The following ANKRD26 variants were observed in gnomAD, a reference collection of about 807,000 sequenced individuals.
ANKRD26 encodes the protein ankyrin repeat domain-containing protein 26.
ANKRD26 carries 141 observed loss-of-function variants against 208.7 expected under a neutral mutation model. The observed-to-expected ratio is 0.68, with a 90% CI of 0.59 to 0.78. The LOEUF (loss-of-function observed/expected upper bound fraction) is 0.78, where lower values mean the gene tolerates loss of function less well. Ranked by LOEUF, ANKRD26 falls within the 30% of genes least tolerant of loss-of-function variation. The pLI, the probability that ANKRD26 is intolerant of heterozygous loss-of-function variation, is 0.00. For synonymous variants in ANKRD26, 636 were observed against 660.4 expected, an observed-to-expected ratio of 0.96 and a Z score of 0.57; for missense variants, 1,889 against 1,938.7, an observed-to-expected ratio of 0.97 and a Z score of 0.48.
chr10:27,058,380 A>T (rs1484797532), intron 15 of ANKRD26, among the ~76,000 whole-genome samples: 1 of 152,184 alleles, frequency 6.6e-6, no homozygotes, highest in Non-Finnish European at 1.5e-5. Flanking sequence ...CGAAGCTAGG[A>T]TGTATCGTAA....
chr10:27,045,785 GTTTAAC>G (rs920049989), intron 18 of ANKRD26, among the ~76,000 whole-genome samples: 65 of 152,128 alleles, frequency 4.3e-4, no homozygotes, highest in African/African-American at 1.3e-3. Flanking sequence ...ATATATGATA[GTTTAAC>G]TTTAAGATCA....
At chr10:26,986,268 T>G (rs1025268611) in intron 3 of ANKRD26, among the ~76,000 whole-genome samples, 1 of 152,102 alleles carries the variant, frequency 6.6e-6, no homozygotes, top group Non-Finnish European at 1.5e-5. Flanking sequence ...CACCTTATAC[T>G]AAAATTAATC....
At chr10:27,020,460 C>T (rs1427450447) in intron 29 of ANKRD26, among the ~76,000 whole-genome samples, 5 of 152,160 alleles carry the variant, frequency 3.3e-5, no homozygotes, top group African/African-American at 1.2e-4. Flanking sequence ...CCTGCCTCTC[C>T]TCCCTCCTGC....
chr10:27,014,742 A>AAT, intron 30 of ANKRD26, 31 bp from the exon 31 acceptor site: 1 of 1,573,510 alleles, frequency 6.4e-7, no homozygotes, highest in Non-Finnish European at 8.7e-7. Flanking sequence ...ATGTTTTAAA[A>AAT]ATATATAACC....
At chr10:27,055,271 G>C (rs183314961) in intron 15 of ANKRD26, among the ~76,000 whole-genome samples, 7 of 152,232 alleles carry the variant, frequency 4.6e-5, no homozygotes, top group African/African-American at 1.2e-4. Context: ...CCTGTGTTAA[G>C]GGATTTCATT....
At chr10:26,960,802 C>T in the ANKRD26 span, among the ~76,000 whole-genome samples, 9 of 152,264 alleles carry the variant, frequency 5.9e-5, no homozygotes, top group East Asian at 1.7e-3. Context: ...GAATACAAGG[C>T]TTGTGGGATT....
chr10:26,950,148 G>A, the ANKRD26 span, among the ~76,000 whole-genome samples: 1 of 152,148 alleles, frequency 6.6e-6, no homozygotes, highest in African/African-American at 2.4e-5. Context: ...TGGATGCAGG[G>A]ACTTGTGGGG....
In ANKRD26 at chr10:27,100,457, T is replaced by C; in HGVS notation, c.-131A>G. On this transcript the variant is annotated 5_prime_UTR_variant, in exon 1 of 34. Coordinates refer to ENST00000376087, the MANE Select transcript of ANKRD26 (RefSeq NM_014915.3). ...AGGAAACTCCGCGGTTTCCAATCTC[T>C]CCCTCCGGGTTACCAAGCAAGCGAT... 1.5e-6 allele frequency: 2 copies of C among 1,351,014 alleles called. No individual in the cohort carries two copies. The highest frequency in any genetic ancestry group is 2.4e-5 in the East Asian group (1 of 41,572). 83.7% of individuals were successfully genotyped at this position (1,351,014 alleles called of 1,614,324 possible). A position where few individuals can be genotyped will look rare whatever the true frequency, so the allele number is the denominator to read the frequency against.
intron 15 of ANKRD26, among the ~76,000 whole-genome samples, chr10:27,059,108 G>A (rs1178886400): frequency 6.6e-6 from 1 of 151,708 alleles, no homozygotes; most frequent in African/African-American, 2.4e-5. Context: ...TAAAGATGGG[G>A]TTTCACCGTG....
Position 27,031,786 on chromosome 10 carries a change from T to A in ANKRD26, c.3807+1439A>T, listed in dbSNP as rs559726051. On this transcript the variant is annotated intron_variant, in intron 25 of 33. Transcript: ENST00000376087. ...TTCTCTAGTTTAGATGTACATGCTA[T>A]ACATAATCTAAATATTTCTATGTTT... 3.3e-5 allele frequency among the ~76,000 whole-genome samples: 5 copies of A among 152,354 alleles called. No individual in the cohort carries two copies. The South Asian group carries it at 1.0e-3, about 32-fold the overall frequency.
At chr10:26,959,797 G>A in the ANKRD26 span, among the ~76,000 whole-genome samples, 1 of 152,030 alleles carries the variant, frequency 6.6e-6, no homozygotes, top group Non-Finnish European at 1.5e-5. Context: ...CACTGTTGAG[G>A]TTCCTCCTGA....
chr10:27,096,765 CAAA>C (rs1177909846), intron 1 of ANKRD26, among the ~76,000 whole-genome samples: 5 of 73,136 alleles, frequency 6.8e-5, no homozygotes, highest in African/African-American at 7.9e-5. Flanking sequence ...GACTCCATCT[CAAA>C]AAAAAAAAAA....
At chr10:27,067,576 G>A (rs1564408334) in intron 9 of ANKRD26, among the ~76,000 whole-genome samples, 1 of 152,170 alleles carries the variant, frequency 6.6e-6, no homozygotes, top group Non-Finnish European at 1.5e-5. Flanking sequence ...CAAAGAGGGG[G>A]CAGGTGTCTC....
chr10:26,956,921 A>T, the ANKRD26 span, among the ~76,000 whole-genome samples: 3 of 152,252 alleles, frequency 2.0e-5, no homozygotes, highest in Non-Finnish European at 4.4e-5. Context: ...GGAATATGTC[A>T]TCAGAAGATG....
chr10:27,033,405 A>G (rs776683470), intron 24 of ANKRD26, 28 bp from the exon 25 acceptor site: 3 of 1,597,230 alleles, frequency 1.9e-6, no homozygotes, highest in Non-Finnish European at 2.6e-6. Context: ...TACTGATTTT[A>G]TAAATCACCT....
Position 26,978,747 on chromosome 10 carries a change from A to T in ANKRD26, c.*281+1829T>A, listed in dbSNP as rs1447837279. On this transcript the variant is annotated intron_variant and NMD_transcript_variant, in intron 5 of 5. Transcript: ENST00000674670. ...CAAGCCACATGCACAGACTCTACTT[A>T]TGAACAGCAACACAGTTACAATGCG... 5.3e-5 allele frequency among the ~76,000 whole-genome samples: 8 copies of T among 152,178 alleles called. No individual in the cohort carries two copies. The East Asian group carries it at 1.5e-3, about 29-fold the overall frequency.
rs1365391292 is a variant in ANKRD26 at position 27,037,950 on chromosome 10, ACTT to A, written c.2477_2479del (p.Glu826del). The A allele has an allele frequency of 1.9e-6, 3 of 1,613,294 alleles. No homozygotes were observed. The highest frequency in any genetic ancestry group is 2.5e-6 in the Non-Finnish European group (3 of 1,179,674). ...CAGTTCAAGCTGTTGTTTCACTTCA[ACTT>A]CTTTCCTATATTGCTCTTCTTTTCT... is the stretch of plus-strand genomic sequence containing the variant. On this transcript the variant is annotated inframe_deletion, in exon 22 of 34. Coordinates refer to ENST00000376087, the MANE Select transcript of ANKRD26 (RefSeq NM_014915.3).
At chr10:27,071,538 A>G (rs2055498174) in intron 9 of ANKRD26, among the ~76,000 whole-genome samples, 1 of 151,964 alleles carries the variant, frequency 6.6e-6, no homozygotes, top group Non-Finnish European at 1.5e-5. Context: ...TTTTTTCCCA[A>G]GATGACAGAT....
chr10:27,074,840 A>T (rs2055638752), intron 9 of ANKRD26, among the ~76,000 whole-genome samples: 1 of 152,014 alleles, frequency 6.6e-6, no homozygotes, highest in Non-Finnish European at 1.5e-5. Flanking sequence ...AAGAATTTTT[A>T]AAAATAACCT....
Sources: allele counts gnomAD v4.1 joint callset (sites outside exome capture counted in the v4.1 genomes callset), GRCh38; gene constraint gnomAD v4.1.1; transcripts MANE v1.5; gene names NCBI Gene and HGNC (gene_info 2026-07-23, HGNC 2026-07-21).